Variants in AFG2A observed in about 807,000 individuals in gnomAD.
AFG2A encodes the protein ATPase family gene 2 protein homolog A.
chr4:123,045,025 A>G, the AFG2A span, among the ~76,000 whole-genome samples: 1 of 151,994 alleles, frequency 6.6e-6, no homozygotes, highest in Non-Finnish European at 1.5e-5. Context: ...GGCCAGGTCA[A>G]TAACTGCATA....
At chr4:123,057,281 A>C in the AFG2A span, 1 of 1,613,732 alleles carries the variant, frequency 6.2e-7, no homozygotes, top group East Asian at 2.2e-5. Flanking sequence ...AGCAGTTGAA[A>C]GGGGCAGGTA....
At chr4:123,276,980 G>A in the AFG2A span, among the ~76,000 whole-genome samples, 1 of 151,906 alleles carries the variant, frequency 6.6e-6, no homozygotes, top group Non-Finnish European at 1.5e-5. Flanking sequence ...TTTTGGTTTT[G>A]CATGAATTTT....
At chr4:123,207,285 CTTTT>C in the AFG2A span, among the ~76,000 whole-genome samples, 2 of 108,480 alleles carry the variant, frequency 1.8e-5, no homozygotes, top group Non-Finnish European at 3.5e-5. Context: ...GTTGTGTTTC[CTTTT>C]TTTTTTTTTT....
chr4:122,934,525 T>G, the AFG2A span: 4 of 1,614,204 alleles, frequency 2.5e-6, no homozygotes, highest in Non-Finnish European at 3.4e-6. Flanking sequence ...ACTGCTAAAG[T>G]TCAGCATAGG....
At chr4:122,969,307 A>G in the AFG2A span, among the ~76,000 whole-genome samples, 5 of 151,394 alleles carry the variant, frequency 3.3e-5, no homozygotes, top group Admixed American at 2.0e-4. Context: ...ACTTTTTTTC[A>G]TATAGATGTG....
chr4:123,079,007 T>C, the AFG2A span, among the ~76,000 whole-genome samples: 1 of 152,316 alleles, frequency 6.6e-6, no homozygotes, highest in South Asian at 2.1e-4. Context: ...TTTGAGAAGT[T>C]ATGTTGTTAT....
chr4:123,228,639 A>T, the AFG2A span, among the ~76,000 whole-genome samples: 2 of 152,012 alleles, frequency 1.3e-5, no homozygotes, highest in African/African-American at 4.8e-5. Context: ...ATCTCATTTA[A>T]TCCTTACAGC....
the AFG2A span, among the ~76,000 whole-genome samples, chr4:122,976,702 T>G: frequency 6.6e-6 from 1 of 152,214 alleles, no homozygotes; most frequent in African/African-American, 2.4e-5. Context: ...GCTCTTGTAT[T>G]TCAAAATCAC....
At chr4:123,124,642 AC>A in the AFG2A span, among the ~76,000 whole-genome samples, 1,028 of 152,368 alleles carry the variant, frequency 6.7e-3, 13 homozygotes, top group African/African-American at 0.023. Context: ...TATTAAAAAA[AC>A]AACAACAAAA....
the AFG2A span, among the ~76,000 whole-genome samples, chr4:123,135,613 T>C: frequency 6.6e-6 from 1 of 152,228 alleles, no homozygotes; most frequent in East Asian, 1.9e-4. Context: ...ACAGACTTTT[T>C]TCTTGTCACT....
At chr4:123,262,245 T>C in the AFG2A span, among the ~76,000 whole-genome samples, 43 of 152,224 alleles carry the variant, frequency 2.8e-4, no homozygotes, top group African/African-American at 1.0e-3. Context: ...TTCTAAGTCA[T>C]TTTACCAACC....
At chr4:123,031,884 C>T in the AFG2A span, among the ~76,000 whole-genome samples, 26 of 152,168 alleles carry the variant, frequency 1.7e-4, no homozygotes, top group Admixed American at 1.6e-3. Context: ...TCTTAATGCC[C>T]TCTGGCATAT....
At chr4:123,097,618 TTTTG>T in the AFG2A span, among the ~76,000 whole-genome samples, 5 of 152,132 alleles carry the variant, frequency 3.3e-5, no homozygotes, top group African/African-American at 9.7e-5. Context: ...TGGATTCTTC[TTTTG>T]TTTGTTTTTA....
the AFG2A span, among the ~76,000 whole-genome samples, chr4:123,108,715 T>C: frequency 6.6e-6 from 1 of 152,154 alleles, no homozygotes; most frequent in Admixed American, 6.5e-5. Flanking sequence ...TTTATAAAAG[T>C]ATAGTATATT....
chr4:122,940,571 A>G, the AFG2A span, among the ~76,000 whole-genome samples: 13 of 152,096 alleles, frequency 8.5e-5, no homozygotes, highest in African/African-American at 3.1e-4. Flanking sequence ...ATTTTCTCCC[A>G]TTCTGTAGCT....
chr4:123,274,252 T>C, the AFG2A span, among the ~76,000 whole-genome samples: 1 of 152,082 alleles, frequency 6.6e-6, no homozygotes, highest in Non-Finnish European at 1.5e-5. Context: ...AGTGAATTGA[T>C]TGATAAAAGA....
At chr4:122,946,448 T>G in the AFG2A span, among the ~76,000 whole-genome samples, 1 of 152,260 alleles carries the variant, frequency 6.6e-6, no homozygotes, top group Non-Finnish European at 1.5e-5. Context: ...TTATAATTCA[T>G]AGATTCGCTG....
At chr4:123,189,905 A>T in the AFG2A span, among the ~76,000 whole-genome samples, 2 of 130,656 alleles carry the variant, frequency 1.5e-5, no homozygotes, top group South Asian at 4.7e-4. Flanking sequence ...GCCCGGGTTC[A>T]GGTGATCATC....
At chr4:123,175,336 G>C in the AFG2A span, among the ~76,000 whole-genome samples, 1 of 152,094 alleles carries the variant, frequency 6.6e-6, no homozygotes, top group Non-Finnish European at 1.5e-5. Context: ...AAAAGCAAAA[G>C]TTGTTACTAG....
Sources: allele counts gnomAD v4.1 joint callset (sites outside exome capture counted in the v4.1 genomes callset), GRCh38; gene constraint gnomAD v4.1.1; transcripts MANE v1.5; gene names NCBI Gene and HGNC (gene_info 2026-07-23, HGNC 2026-07-21).